Variants in DMD observed in about 807,000 individuals in gnomAD.
The protein encoded by DMD is mutant dystrophin.
In DMD, 63 loss-of-function variants were observed where a neutral mutation model predicts 330.1. The ratio of observed to expected loss-of-function variants is 0.19; its 90% confidence interval spans 0.16 to 0.24. The LOEUF (loss-of-function observed/expected upper bound fraction) is 0.24. Among genes scored for constraint, DMD ranks in the 10% least tolerant of loss-of-function variants. The pLI, the probability that DMD is intolerant of heterozygous loss-of-function variation, is 1.00. For synonymous variants in DMD, 1,223 were observed against 959.8 expected, an observed-to-expected ratio of 1.27 and a Z score of -5.07; for missense variants, 3,344 against 2,684.1, an observed-to-expected ratio of 1.25 and a Z score of -5.43.
In DMD at chrX:32,635,230, T is replaced by A. The variant is rs138713588; in HGVS notation, c.1331+8902A>T. ...ACTGCTGCCATGGATGAGGGAGAGC[T>A]GGTATAGGTGATAGAATATTGCCTT... On this transcript the variant is annotated intron_variant, in intron 11 of 78. Coordinates refer to ENST00000357033, the MANE Select transcript of DMD (RefSeq NM_004006.3). Among the ~76,000 whole-genome samples, 305 of 111,599 alleles carry A rather than the reference T, an allele frequency of 2.7e-3. 1 individual carries two copies. The highest frequency in any genetic ancestry group is 9.8e-3 in the African/African-American group (299 of 30,660).
At position 32,232,464 on chromosome X, in the gene DMD, G is replaced by A. The variant is rs180945887; in HGVS notation, c.6291-15401C>T. ...CCCTAGCCTGTATGTAACTGTGGGA[G>A]CAGGGCAGTTCCAGGATGACACCAT... On this transcript the variant is annotated intron_variant, in intron 43 of 78. Coordinates refer to ENST00000357033, the MANE Select transcript of DMD (RefSeq NM_004006.3). Among the ~76,000 whole-genome samples the A allele has an allele frequency of 2.7e-5, 3 of 111,187 alleles. No individual in the cohort carries two copies. In the East Asian group the frequency reaches 8.5e-4, roughly 32 times the overall value.
Position 31,606,706 on chromosome X carries a change from A to G in DMD, c.8217+20967T>C, listed in dbSNP as rs763329330. On this transcript the variant is annotated intron_variant, in intron 55 of 78. Coordinates refer to ENST00000357033, the MANE Select transcript of DMD (RefSeq NM_004006.3). ...CAAACCAAGGTATATATTGACTGGA[A>G]GTATTCTGAAACTATTATATAAAAC... Among the ~76,000 whole-genome samples the G allele has an allele frequency of 3.7e-4, 41 of 112,061 alleles. No homozygotes were observed. In the East Asian group the frequency reaches 5.3e-3, roughly 15 times the overall value.
intron 2 of DMD, among the ~76,000 whole-genome samples, chrX:32,902,891 T>A (rs996003098): frequency 9.1e-6 from 1 of 109,851 alleles, no homozygotes. Context: ...GTGCGGTGGT[T>A]CACACCTGTA....
chrX:31,497,367 T>A lies in DMD; in HGVS notation c.8391-423A>T, dbSNP rs73453945. On this transcript the variant is annotated intron_variant, in intron 56 of 78. Transcript: ENST00000357033. ...AGGTCTCTCCCCACATTTTGACTTT[T>A]CCATTTCTACACCCTAGGCAGCCTT... Among the ~76,000 whole-genome samples the A allele has an allele frequency of 2.1e-3, 239 of 111,915 alleles. 1 individual carries two copies. The highest frequency in any genetic ancestry group is 7.1e-3 in the African/African-American group (220 of 30,833).
At chrX:31,380,049 G>A (rs2060085295) in intron 60 of DMD, among the ~76,000 whole-genome samples, 2 of 110,887 alleles carry the variant, frequency 1.8e-5, no homozygotes, top group South Asian at 3.9e-4. Flanking sequence ...TCACAGTGGA[G>A]GGTAAGTCCG....
intron 11 of DMD, among the ~76,000 whole-genome samples, chrX:32,628,730 C>T (rs1200414702): frequency 5.4e-5 from 6 of 110,678 alleles, no homozygotes; most frequent in African/African-American, 3.3e-5. Context: ...CTTTTTCATT[C>T]GTTTCAAGAA....
chrX:32,266,226 A>T (rs1243315285), intron 43 of DMD, among the ~76,000 whole-genome samples: 1 of 111,280 alleles, frequency 9.0e-6, no homozygotes, highest in East Asian at 2.9e-4. Context: ...CCCTTTGCTC[A>T]GCACTTCTCC....
At chrX:31,855,593 T>C (rs1275553906) in intron 48 of DMD, among the ~76,000 whole-genome samples, 1 of 111,868 alleles carries the variant, frequency 8.9e-6, no homozygotes, top group Non-Finnish European at 1.9e-5. Context: ...TTAAATAAAA[T>C]TAAAGATGTT....
chrX:32,040,618 C>A (rs1380949496), intron 44 of DMD, among the ~76,000 whole-genome samples: 1 of 111,284 alleles, frequency 9.0e-6, no homozygotes, highest in Non-Finnish European at 1.9e-5. Context: ...AAATTAGATG[C>A]TTGTAGGTTT....
chrX:32,759,190 A>G (rs2071907458), intron 7 of DMD, among the ~76,000 whole-genome samples: 1 of 111,842 alleles, frequency 8.9e-6, no homozygotes, highest in Admixed American at 9.5e-5. Flanking sequence ...CTTCAGACCT[A>G]TTGAACTATT....
chrX:32,871,952 G>A (rs1229910313), intron 2 of DMD, among the ~76,000 whole-genome samples: 1 of 109,959 alleles, frequency 9.1e-6, no homozygotes, highest in Non-Finnish European at 1.9e-5. Context: ...AGGTGTCAAA[G>A]CAGGCGAGAC....
chrX:31,503,237 T>C (rs999844013), intron 56 of DMD, among the ~76,000 whole-genome samples: 2 of 112,263 alleles, frequency 1.8e-5, no homozygotes, highest in Non-Finnish European at 3.8e-5. Flanking sequence ...GTAGAAAAAT[T>C]AAACAATTTT....
chrX:32,476,682 T>C (rs2041269289), intron 21 of DMD, among the ~76,000 whole-genome samples: 1 of 111,379 alleles, frequency 9.0e-6, no homozygotes, highest in Non-Finnish European at 1.9e-5. Flanking sequence ...GGAATGCCAG[T>C]GAAGAATTCT....
rs1387779410 is a variant in DMD at position 32,044,802 on chromosome X, T to A, written c.6439-76288A>T. On this transcript the variant is annotated intron_variant, in intron 44 of 78. Transcript: ENST00000357033. The stretch of plus-strand genomic sequence containing the variant: ...GCCCACTGTTTTAAAGTAGAAATGC[T>A]ATTATTTAATCTTCTTGTGTTCGTA... Among the ~76,000 whole-genome samples the A allele has an allele frequency of 5.6e-4, 63 of 112,301 alleles. No homozygotes were observed. The Admixed American group carries it at 5.8e-3, about 10-fold the overall frequency.
At chrX:31,831,820 T>G (rs774557669) in intron 49 of DMD, among the ~76,000 whole-genome samples, 2 of 112,187 alleles carry the variant, frequency 1.8e-5, no homozygotes, top group African/African-American at 3.2e-5. Context: ...GCCAGGATGG[T>G]CTCGATCTCC....
At chrX:32,168,905 G>C (rs1921367) in intron 44 of DMD, among the ~76,000 whole-genome samples, 18,609 of 111,100 alleles carry the variant, frequency 0.17, 1,758 homozygotes, top group African/African-American at 0.35. Context: ...GCCATAGTTC[G>C]TCTGTCCACA....
intron 2 of DMD, among the ~76,000 whole-genome samples, chrX:32,933,603 C>A (rs1283918013): frequency 9.0e-6 from 1 of 111,502 alleles, no homozygotes; most frequent in African/African-American, 3.3e-5. Flanking sequence ...AGAGTTCTGG[C>A]ACAAATGGAT....
intron 1 of DMD, among the ~76,000 whole-genome samples, chrX:33,112,353 G>T (rs1474235977): frequency 9.0e-6 from 1 of 111,451 alleles, no homozygotes; most frequent in African/African-American, 3.3e-5. Flanking sequence ...CTTAGAACAC[G>T]TATCCCTACA....
At chrX:32,534,918 A>C (rs1180328316) in intron 17 of DMD, among the ~76,000 whole-genome samples, 1 of 111,253 alleles carries the variant, frequency 9.0e-6, no homozygotes, top group African/African-American at 3.3e-5. Context: ...TCATTTGTAA[A>C]GAGACAGGTT....
Sources: gnomAD v4.1 joint callset for allele counts (sites outside exome capture counted in the v4.1 genomes callset) on GRCh38, gnomAD v4.1.1 for gene constraint, MANE v1.5 for transcripts, NCBI Gene and HGNC (gene_info 2026-07-23, HGNC 2026-07-21) for gene names.